Variants in IKZF1 observed in about 807,000 individuals in gnomAD.
IKZF1 encodes IKAROS family zinc finger 1, also known as DNA-binding protein Ikaros.
Under a neutral mutation model 51.7 loss-of-function variants are expected in IKZF1, and 10 were observed. The ratio of observed to expected loss-of-function variants is 0.19; its 90% CI spans 0.12 to 0.33. IKZF1 has a LOEUF of 0.33. IKZF1 is among the 10% of genes least tolerant of loss of function. IKZF1 has a pLI of 1.00. For missense variants in IKZF1, 484 were observed against 707.5 expected, an observed-to-expected ratio of 0.68 and a Z score of 3.58; for synonymous variants, 280 against 282.3, an observed-to-expected ratio of 0.99 and a Z score of 0.08.
intron 1 of IKZF1, among the ~76,000 whole-genome samples, chr7:50,305,950 A>C (rs1006518590): frequency 6.6e-6 from 1 of 152,114 alleles, no homozygotes; most frequent in Non-Finnish European, 1.5e-5. Context: ...GGTCCTCTTG[A>C]GTTTATTTCT....
intron 3 of IKZF1, among the ~76,000 whole-genome samples, chr7:50,350,013 G>A (rs1371937875): frequency 1.3e-5 from 2 of 152,214 alleles, no homozygotes; most frequent in East Asian, 3.8e-4. Flanking sequence ...AGAAACACAT[G>A]AAATCACCCC....
Position 50,401,429 on chromosome 7 carries a change from C to T in IKZF1, c.*802C>T, listed in dbSNP as rs1258906313. 4.4e-6 allele frequency: 1 copy of T among 226,180 alleles called. No homozygotes were observed. The allele number at this position is 226,180 out of a possible 1,614,324, so 14.0% of individuals were successfully genotyped here. A position where few individuals can be genotyped will look rare whatever the true frequency, so the allele number is the denominator to read the frequency against. ...CTTCCCGTGGGCATATCTGGGGAGC[C>T]CTGTTCCCCGCTTTTTCACTCCCAT... On this transcript the variant is annotated 3_prime_UTR_variant, in exon 8 of 8. Transcript: ENST00000331340.
intron 2 of IKZF1, among the ~76,000 whole-genome samples, chr7:50,321,624 T>C (rs1793332495): frequency 6.6e-6 from 1 of 152,146 alleles, no homozygotes; most frequent in African/African-American, 2.4e-5. Context: ...ATGAGACCCC[T>C]TTGGCCAATG....
upstream of IKZF1, chr7:50,304,156 CT>C (rs1283093276): frequency 6.7e-6 from 1 of 148,788 alleles, no homozygotes; most frequent in Admixed American, 6.7e-5. Flanking sequence ...CCTTTGGGGG[CT>C]GAGCCGGAGC....
intron 3 of IKZF1, among the ~76,000 whole-genome samples, chr7:50,365,060 C>T (rs1806454613): frequency 6.6e-6 from 1 of 152,212 alleles, no homozygotes; most frequent in Non-Finnish European, 1.5e-5. Context: ...GCTGCAGTAC[C>T]TTACACATCT....
intron 3 of IKZF1, among the ~76,000 whole-genome samples, chr7:50,349,317 A>C (rs1263523794): frequency 6.6e-6 from 1 of 152,178 alleles, no homozygotes; most frequent in East Asian, 1.9e-4. Flanking sequence ...GTGTTTGTTG[A>C]GTGTGTAATG....
At chr7:50,312,051 A>G (rs750350329) in intron 1 of IKZF1, among the ~76,000 whole-genome samples, 1 of 152,220 alleles carries the variant, frequency 6.6e-6, no homozygotes, top group South Asian at 2.1e-4. Flanking sequence ...TTCTATTTTC[A>G]TTGCACTTCA....
At chr7:50,348,109 G>A (rs527693602) in intron 3 of IKZF1, among the ~76,000 whole-genome samples, 15 of 152,308 alleles carry the variant, frequency 9.8e-5, no homozygotes, top group African/African-American at 3.1e-4. Context: ...AGGTTTTCCC[G>A]CTGATATGCC....
chr7:50,325,441 T>C (rs1315064389), intron 2 of IKZF1, among the ~76,000 whole-genome samples: 1 of 152,108 alleles, frequency 6.6e-6, no homozygotes, highest in Non-Finnish European at 1.5e-5. Flanking sequence ...ATGAAAGAGG[T>C]GAAAACGCTA....
rs536336375 is a variant in IKZF1 at position 50,368,078 on chromosome 7, C to T, written c.161-8455C>T. 1 of 703,094 alleles carries T rather than the reference C, an allele frequency of 1.4e-6. No homozygotes were observed. The highest frequency in any genetic ancestry group is 2.0e-5 in the Admixed American group (1 of 49,978). The allele number at this position is 703,094 out of a possible 1,614,324, so 43.6% of individuals were successfully genotyped here. On this transcript the variant is annotated intron_variant, in intron 3 of 7. Transcript: ENST00000331340. ...AAATCTTTCTCTCGTAAGTATATGC[C>T]TTGCTTCTGGAAAACAAAAGCATGC...
chr7:50,319,240 G>A (rs1162052853), intron 2 of IKZF1, 139 bp downstream of exon 2: 1 of 604,368 alleles, frequency 1.7e-6, no homozygotes. Flanking sequence ...GAATTTGCCT[G>A]AGTGTTTCCT....
intron 2 of IKZF1, among the ~76,000 whole-genome samples, chr7:50,326,522 G>T (rs1262969908): frequency 6.6e-6 from 1 of 152,246 alleles, no homozygotes; most frequent in Non-Finnish European, 1.5e-5. Context: ...TGCAGCTTCA[G>T]TGGAGAAAAG....
At chr7:50,364,045 A>C (rs1806063408) in intron 3 of IKZF1, among the ~76,000 whole-genome samples, 3 of 152,138 alleles carry the variant, frequency 2.0e-5, no homozygotes, top group African/African-American at 7.2e-5. Context: ...AAATTTTATA[A>C]ATTTTATAAA....
rs75791104 is a variant in IKZF1 at position 50,364,206 on chromosome 7, G to A, written c.161-12327G>A. The stretch of plus-strand genomic sequence containing the variant: ...TTAGCCTCTCCCCAGAGTGACAACG[G>A]CACAAGAAGTTTATAATTTTATGCA... On this transcript the variant is annotated intron_variant, in intron 3 of 7. Transcript: ENST00000331340. Among the ~76,000 whole-genome samples, 14 of 152,270 alleles carry A rather than the reference G, an allele frequency of 9.2e-5. No homozygotes were observed. In the East Asian group the frequency reaches 2.3e-3, roughly 25 times the overall value.
chr7:50,369,894 G>A (rs1808155805), intron 3 of IKZF1, among the ~76,000 whole-genome samples: 1 of 152,096 alleles, frequency 6.6e-6, no homozygotes, highest in Non-Finnish European at 1.5e-5. Flanking sequence ...CTAGTGGGAC[G>A]AAAACAACCT....
chr7:50,340,405 T>G (rs1231294613), intron 3 of IKZF1, among the ~76,000 whole-genome samples: 5 of 152,210 alleles, frequency 3.3e-5, no homozygotes, highest in Admixed American at 1.3e-4. Flanking sequence ...GGTGAAGCCC[T>G]GAACATCCGG....
chr7:50,385,399 G>T (rs1479505986), intron 5 of IKZF1, among the ~76,000 whole-genome samples: 1 of 152,216 alleles, frequency 6.6e-6, no homozygotes, highest in Non-Finnish European at 1.5e-5. Context: ...ACTGGTGGTG[G>T]CCTGAGGTCT....
chr7:50,385,069 T>C (rs1812971128), intron 5 of IKZF1, among the ~76,000 whole-genome samples: 1 of 152,236 alleles, frequency 6.6e-6, no homozygotes, highest in Non-Finnish European at 1.5e-5. Flanking sequence ...TAAGTACCAC[T>C]AAGTATTGAG....
chr7:50,363,713 T>G (rs565810900), intron 3 of IKZF1, among the ~76,000 whole-genome samples: 2 of 152,180 alleles, frequency 1.3e-5, no homozygotes, highest in Non-Finnish European at 2.9e-5. Flanking sequence ...TAAAAACAAA[T>G]GGATCCATCC....
Sources: gnomAD v4.1 joint callset for allele counts (sites outside exome capture counted in the v4.1 genomes callset) on GRCh38, gnomAD v4.1.1 for gene constraint, MANE v1.5 for transcripts, NCBI Gene and HGNC (gene_info 2026-07-23, HGNC 2026-07-21) for gene names.